The following SCUBE2 variants were observed in gnomAD, a reference collection of about 807,000 sequenced individuals.
SCUBE2 encodes signal peptide, CUB and EGF-like domain-containing protein 2.
In SCUBE2, 114 loss-of-function variants were observed where a neutral mutation model predicts 125.9. The ratio of observed to expected loss-of-function variants is 0.91; its 90% CI spans 0.78 to 1.06. SCUBE2 has a LOEUF of 1.06. Among genes scored for constraint, SCUBE2 ranks in the 50% least tolerant of loss-of-function variants. The probability of loss-of-function intolerance (pLI) is 0.00; values close to 1 mark genes in which losing one functional copy is unlikely to be tolerated. For synonymous variants in SCUBE2, 459 were observed against 492.9 expected (o/e 0.93, Z 0.91); for missense variants, 1,255 against 1,301.8 (o/e 0.96, Z 0.55).
intron 5 of SCUBE2, among the ~76,000 whole-genome samples, chr11:9,067,085 A>G (rs546110533): frequency 6.6e-6 from 1 of 152,312 alleles, no homozygotes; most frequent in East Asian, 1.9e-4. Flanking sequence ...AGAGACTTTT[A>G]TTATATAAGG....
chr11:9,085,142 T>G (rs1861948342), intron 2 of SCUBE2, among the ~76,000 whole-genome samples: 1 of 152,190 alleles, frequency 6.6e-6, no homozygotes, highest in African/African-American at 2.4e-5. Flanking sequence ...TGTCACAGAC[T>G]GGAGGAGACA....
intron 13 of SCUBE2, 108 bp from the exon 14 acceptor site, chr11:9,050,818 A>C (rs1201644576): frequency 1.2e-6 from 1 of 808,588 alleles, no homozygotes; most frequent in African/African-American, 1.7e-5. Flanking sequence ...CACACAGCAC[A>C]CCCTGAGACC....
chr11:9,030,419 G>A (rs1354334316), intron 18 of SCUBE2: 2 of 409,480 alleles, frequency 4.9e-6, no homozygotes, highest in East Asian at 9.8e-5. Context: ...CTGGAGTGGG[G>A]TTCTGGAGAA....
rs376278302 is a variant in SCUBE2 at position 9,047,540 on chromosome 11, G to A, written c.1818C>T (p.Ile606=). 7 of 1,613,834 alleles carry A rather than the reference G, an allele frequency of 4.3e-6. No individual in the cohort carries two copies. Among genetic ancestry groups the A allele is most frequent in the Middle Eastern group, 1.6e-4 (1 of 6,084 alleles). The change falls in exon 16 of 23, where the codon ATC becomes ATT. Residue 606 remains isoleucine, a synonymous_variant. Coordinates refer to ENST00000649792, the MANE Select transcript of SCUBE2 (RefSeq NM_001367977.2). The part of the protein sequence containing the change: ...EVTASCDLSC[I]VKRTEKRLRK... ...GGAGCCGCTTCTCGGTTCGCTTTAC[G>A]ATGCAGCTCAGGTCACAAGAAGCTA...
In SCUBE2 at chr11:9,091,436, G is replaced by A. The variant is rs1044637949; in HGVS notation, c.93C>T (p.Ala31=). ...CGGCACGGCCCCGACCCGGCGGGAC[G>A]GCCCCCGCCAGCAGCAGCAGTGGCG... ...LLPPLLLLAG[A]VPPGRGRAAG... Residue 31 remains alanine (A), a synonymous_variant, in exon 1 of 23, where the codon GCC becomes GCT. Coordinates refer to ENST00000649792, the MANE Select transcript of SCUBE2 (RefSeq NM_001367977.2). The surrounding 1 kb of genome is among the most constrained non-coding windows in gnomAD (Gnocchi z 8.5). 3.0e-6 allele frequency: 4 copies of A among 1,331,470 alleles called. No individual in the cohort carries two copies. The highest frequency in any genetic ancestry group is 1.6e-5 in the African/African-American group (1 of 62,520). The allele number at this position is 1,331,470 out of a possible 1,614,324, so 82.5% of individuals were successfully genotyped here.
intron 14 of SCUBE2, chr11:9,050,292 A>C (rs1217168392): frequency 8.3e-6 from 2 of 239,912 alleles, no homozygotes; most frequent in Non-Finnish European, 1.6e-5. Flanking sequence ...ATTTAACCCA[A>C]TATGATCACA....
At chr11:9,025,613 T>G in intron 21 of SCUBE2, 89 bp downstream of exon 21, 2 of 1,491,276 alleles carry the variant, frequency 1.3e-6, no homozygotes, top group South Asian at 2.6e-5. Flanking sequence ...TCTGAGCATG[T>G]GTGCTTGTCA....
At chr11:9,048,880 A>T (rs1285281488) in intron 14 of SCUBE2, among the ~76,000 whole-genome samples, 1 of 152,164 alleles carries the variant, frequency 6.6e-6, no homozygotes, top group African/African-American at 2.4e-5. Flanking sequence ...TTCTTCTTTA[A>T]CATTACAAGG....
chr11:9,020,957 C>T lies in SCUBE2; in HGVS notation c.*88G>A. 3 of 1,217,892 alleles carry T rather than the reference C, an allele frequency of 2.5e-6. No homozygotes were observed. The highest frequency in any genetic ancestry group is 3.4e-6 in the Non-Finnish European group (3 of 890,302). 75.4% of individuals were successfully genotyped at this position (1,217,892 alleles called of 1,614,324 possible). On this transcript the variant is annotated 3_prime_UTR_variant, in exon 23 of 23. Coordinates refer to ENST00000649792, the MANE Select transcript of SCUBE2 (RefSeq NM_001367977.2). ...GTCACTGATACGGGAGGCAGCAATA[C>T]CCGACTGTGCTGACATGCAGAAGGA...
chr11:9,044,378 G>A (rs1857506188), intron 16 of SCUBE2, among the ~76,000 whole-genome samples: 5 of 151,868 alleles, frequency 3.3e-5, no homozygotes, highest in South Asian at 2.1e-4. Context: ...TTAGACTCCC[G>A]AGTAGCTGGG....
intron 7 of SCUBE2, among the ~76,000 whole-genome samples, chr11:9,063,458 G>A (rs1049503041): frequency 6.6e-6 from 1 of 152,090 alleles, no homozygotes; most frequent in African/African-American, 2.4e-5. Flanking sequence ...TCACACAAAG[G>A]ATCAAGAATA....
intron 2 of SCUBE2, among the ~76,000 whole-genome samples, chr11:9,086,089 C>G (rs757021360): frequency 6.6e-6 from 1 of 152,154 alleles, no homozygotes; most frequent in South Asian, 2.1e-4. Flanking sequence ...CTGCCTCAGC[C>G]GCCCAAAGTG....
intron 9 of SCUBE2, among the ~76,000 whole-genome samples, chr11:9,058,579 GA>G (rs1859339180): frequency 8.9e-6 from 1 of 112,266 alleles, no homozygotes; most frequent in Non-Finnish European, 1.7e-5. Context: ...CTGGGTGACA[GA>G]GCGAGACTCT....
intron 3 of SCUBE2, among the ~76,000 whole-genome samples, chr11:9,077,891 C>T (rs1425268248): frequency 1.3e-5 from 2 of 152,214 alleles, no homozygotes; most frequent in African/African-American, 4.8e-5. Context: ...TCCAAGCAGG[C>T]CAATACTCAG....
In SCUBE2 at chr11:9,030,021, T is replaced by C. The variant is rs1322323328; in HGVS notation, c.2366A>G (p.Tyr789Cys). The change falls in exon 19 of 23, where the codon TAC becomes TGC. Residue 789 changes from tyrosine to cysteine, a missense_variant. Tyr to Cys is a radical substitution (Grantham distance 194, BLOSUM62 -2). Around this residue, in one of 3 missense-constraint regions of SCUBE2, gnomAD observed 515 missense variants for 515.7 expected, o/e 1.00. Transcript: ENST00000649792. ...AATACATCGGTGAGTGGTGGTGTTG[T>C]AGAAATGTCCAGGTGAACATTGAAC... is the stretch of plus-strand genomic sequence containing the variant. ...TRVQCSPGHF[Y>C]NTTTHRCIRC... is the part of the protein sequence containing the mutation. The C allele has an allele frequency of 5.0e-6, 8 of 1,614,128 alleles. No individual in the cohort carries two copies. The highest frequency in any genetic ancestry group is 6.8e-6 in the Non-Finnish European group (8 of 1,180,016).
intron 16 of SCUBE2, among the ~76,000 whole-genome samples, chr11:9,036,093 C>G (rs1590023085): frequency 6.6e-6 from 1 of 152,116 alleles, no homozygotes; most frequent in East Asian, 1.9e-4. Flanking sequence ...TTTCACCATG[C>G]CAGCCTGGCT....
At chr11:9,038,517 C>G (rs1381252113) in intron 16 of SCUBE2, among the ~76,000 whole-genome samples, 5 of 152,028 alleles carry the variant, frequency 3.3e-5, no homozygotes, top group African/African-American at 1.2e-4. Flanking sequence ...TAGTGCATGC[C>G]AGTGGGAGAA....
At chr11:9,080,345 G>GA (rs1386337472) in intron 2 of SCUBE2, among the ~76,000 whole-genome samples, 4 of 152,084 alleles carry the variant, frequency 2.6e-5, no homozygotes, top group South Asian at 4.1e-4. Flanking sequence ...AAGCTTTTCA[G>GA]AAAAAATATG....
rs1855267756 is a variant in SCUBE2, at chr11:9,021,219, T to C, written c.2935-22A>G. The C allele has an allele frequency of 3.9e-6, 6 of 1,532,618 alleles. No homozygotes were observed. The East Asian group carries it at 1.4e-4, about 36-fold the overall frequency. The allele number at this position is 1,532,618 out of a possible 1,614,324, so 94.9% of individuals were successfully genotyped here. On this transcript the variant is annotated intron_variant, in intron 22 of 22. Coordinates refer to ENST00000649792, the MANE Select transcript of SCUBE2 (RefSeq NM_001367977.2). ...TATCCTAAAAAGAACAGAATTTTTG[T>C]TACTGGGCCAAAATATTTAAATATG...
Sources: gnomAD v4.1 joint callset for allele counts (sites outside exome capture counted in the v4.1 genomes callset) on GRCh38, gnomAD v4.1.1 for gene constraint, gnomAD v4.1.1 regional missense constraint, Gnocchi (gnomAD v3.1) non-coding constraint, MANE v1.5 for transcripts, NCBI Gene and HGNC (gene_info 2026-07-23, HGNC 2026-07-21) for gene names.